NEMP2: variants seen among roughly 807,000 people sequenced by gnomAD.
NEMP2 encodes UPF0571 transmembrane protein.
Under a neutral mutation model 54.2 loss-of-function variants are expected in NEMP2, and 53 were observed. The ratio of observed to expected loss-of-function variants is 0.98; its 90% confidence interval spans 0.78 to 1.23. The LOEUF (loss-of-function observed/expected upper bound fraction) is 1.23, where lower values mean the gene tolerates loss of function less well. Among genes scored for constraint, NEMP2 ranks in the 50% most tolerant of loss-of-function variants. The pLI, the probability that NEMP2 is intolerant of heterozygous loss-of-function variation, is 0.00. For missense variants in NEMP2, 455 were observed against 511.3 expected, an observed-to-expected ratio of 0.89 and a Z score of 1.06; for synonymous variants, 197 against 190.3, an observed-to-expected ratio of 1.04 and a Z score of -0.29.
chr2:190,647,268 A>G, the NEMP2 span, among the ~76,000 whole-genome samples: 69,222 of 152,096 alleles, frequency 0.46, 16,019 homozygotes, highest in Non-Finnish European at 0.49. Flanking sequence ...CTTTAATTAT[A>G]TGTATTCCAT....
rs1690407054 is a variant in NEMP2 at position 190,512,621 on chromosome 2, T to G, written c.953+1832A>C. On this transcript the variant is annotated intron_variant, in intron 7 of 8. Transcript: ENST00000409150. This position sits in a 1 kb window ranked among gnomAD's most constrained non-coding sequence, Gnocchi z 4.5. The stretch of plus-strand genomic sequence containing the variant: ...CATTGTGCAGAACACACTCTGCTCT[T>G]GGCAGGGAGCTGGATGGTTAAAGGG... Among the ~76,000 whole-genome samples, 1 of 152,210 alleles carries G rather than the reference T, an allele frequency of 6.6e-6. No individual in the cohort carries two copies. Among genetic ancestry groups the G allele is most frequent in the South Asian group, 2.1e-4 (1 of 4,834 alleles).
the NEMP2 span, among the ~76,000 whole-genome samples, chr2:190,612,509 C>A: frequency 6.6e-6 from 1 of 152,132 alleles, no homozygotes; most frequent in Non-Finnish European, 1.5e-5. Flanking sequence ...ATTTACCACA[C>A]AAGATCCTTC....
Position 190,529,213 on chromosome 2 carries a change from T to C in NEMP2, c.98-3835A>G, listed in dbSNP as rs1208219107. On this transcript the variant is annotated intron_variant, in intron 1 of 8. Transcript: ENST00000409150. The surrounding 1 kb of genome is among the most constrained non-coding windows in gnomAD (Gnocchi z 4.7). ...AAACACAAACAAACAAAAACATGAA[T>C]GGGAACCCATCATTTACCTGCTTAA... 2.0e-5 allele frequency among the ~76,000 whole-genome samples: 3 copies of C among 152,062 alleles called. No homozygotes were observed. Among genetic ancestry groups the C allele is most frequent in the Non-Finnish European group, 4.4e-5 (3 of 68,000 alleles).
chr2:190,613,596 A>AT, the NEMP2 span, among the ~76,000 whole-genome samples: 17 of 151,008 alleles, frequency 1.1e-4, no homozygotes, highest in Admixed American at 2.6e-4. Context: ...CCAATAATTT[A>AT]TTTTTTTTTG....
chr2:190,468,619 ATTTTTTTT>A, the NEMP2 span, among the ~76,000 whole-genome samples: 1 of 128,026 alleles, frequency 7.8e-6, no homozygotes, highest in South Asian at 2.6e-4. Context: ...AGCCTGGCTA[ATTTTTTTT>A]TTTTTTTTTT....
chr2:190,468,003 A>G, the NEMP2 span, among the ~76,000 whole-genome samples: 2 of 152,348 alleles, frequency 1.3e-5, no homozygotes, highest in South Asian at 4.1e-4. Flanking sequence ...TAGGGTAAAG[A>G]GAGGCCACCC....
chr2:190,497,725 G>A, the NEMP2 span: 7 of 1,607,488 alleles, frequency 4.4e-6, no homozygotes, highest in African/African-American at 6.7e-5. The surrounding 1 kb of genome is among the most constrained non-coding windows in gnomAD (Gnocchi z 5.2). Context: ...TACAGGTACA[G>A]TTCCTTTGCT....
At chr2:190,599,578 T>A in the NEMP2 span, among the ~76,000 whole-genome samples, 1 of 152,236 alleles carries the variant, frequency 6.6e-6, no homozygotes, top group Non-Finnish European at 1.5e-5. Flanking sequence ...ATTTTAATTT[T>A]AACTATAATT....
the NEMP2 span, among the ~76,000 whole-genome samples, chr2:190,554,634 T>A: frequency 1.4e-4 from 22 of 152,152 alleles, no homozygotes; most frequent in African/African-American, 5.3e-4. The surrounding 1 kb of genome is among the most constrained non-coding windows in gnomAD (Gnocchi z 5.7). Context: ...AGGGCATCTC[T>A]GAAAAAAAGG....
chr2:190,634,124 AT>A, the NEMP2 span, among the ~76,000 whole-genome samples: 1 of 152,222 alleles, frequency 6.6e-6, no homozygotes. The surrounding 1 kb of genome is among the most constrained non-coding windows in gnomAD (Gnocchi z 6.8). Flanking sequence ...GGTATTTACT[AT>A]TTCAAACTTT....
chr2:190,613,173 A>G, the NEMP2 span, among the ~76,000 whole-genome samples: 1 of 152,178 alleles, frequency 6.6e-6, no homozygotes, highest in Non-Finnish European at 1.5e-5. Flanking sequence ...CTTATTCATT[A>G]ACTAAGGTCA....
At chr2:190,473,524 A>G in the NEMP2 span, among the ~76,000 whole-genome samples, 1 of 152,224 alleles carries the variant, frequency 6.6e-6, no homozygotes, top group Non-Finnish European at 1.5e-5. Context: ...AGAGCTAACT[A>G]TCCTAAATAT....
Position 190,514,087 on chromosome 2 carries a change from T to A in NEMP2, c.953+366A>T, listed in dbSNP as rs1249840572. Among the ~76,000 whole-genome samples, 1 of 152,232 alleles carries A rather than the reference T, an allele frequency of 6.6e-6. No individual in the cohort carries two copies. Among genetic ancestry groups the A allele is most frequent in the African/African-American group, 2.4e-5 (1 of 41,448 alleles). ...ATTCATTTCTGTTTCCTAATTCGTA[T>A]CTCATAAGCACAGCTGATACCACTA... On this transcript the variant is annotated intron_variant, in intron 7 of 8. Transcript: ENST00000409150. The surrounding 1 kb of genome is among the most constrained non-coding windows in gnomAD (Gnocchi z 5.7).
At chr2:190,644,637 C>T in the NEMP2 span, among the ~76,000 whole-genome samples, 7 of 152,126 alleles carry the variant, frequency 4.6e-5, no homozygotes, top group African/African-American at 1.7e-4. This position sits in a 1 kb window ranked among gnomAD's most constrained non-coding sequence, Gnocchi z 4.4. Flanking sequence ...AGCAAACTAA[C>T]ACAGGAACAG....
rs1318989948 is a variant in NEMP2, at chr2:190,518,746, T to G, written c.508A>C (p.Thr170Pro). The change falls in exon 4 of 9, where the codon ACC becomes CCC. Residue 170 changes from threonine (T) to proline (P), a missense_variant. Around this residue, in one of 3 missense-constraint regions of NEMP2, gnomAD observed 294 missense variants for 333.6 expected, o/e 0.88. Transcript: ENST00000409150. Reference sequence around the variant, plus strand: ...AAAAGGAATACTTACTGACTCAGGGTCCTTGCATAAAAGAAAAGAAAAACT... The same window carrying G: ...AAAAGGAATACTTACTGACTCAGGGGCCTTGCATAAAAGAAAAGAAAAACT... ...AGVFLFFYAR[T>P]LSQSPTFYYS... 2 of 1,542,648 alleles carry G rather than the reference T, an allele frequency of 1.3e-6. No individual in the cohort carries two copies. The highest frequency in any genetic ancestry group is 1.7e-6 in the Non-Finnish European group (2 of 1,144,708).
In NEMP2 at chr2:190,528,961, G is replaced by T. The variant is rs549545273; in HGVS notation, c.98-3583C>A. On this transcript the variant is annotated intron_variant, in intron 1 of 8. Transcript: ENST00000409150. This position sits in a 1 kb window ranked among gnomAD's most constrained non-coding sequence, Gnocchi z 4.3. ...TGATGTAATAGCCTTCTATCTGGCT[G>T]GTCTCCCTGCTTCCAGAATTGCTGC... Among the ~76,000 whole-genome samples the T allele has an allele frequency of 6.6e-6, 1 of 152,228 alleles. No individual in the cohort carries two copies. Among genetic ancestry groups the T allele is most frequent in the South Asian group, 2.1e-4 (1 of 4,820 alleles).
chr2:190,442,129 G>T, the NEMP2 span, among the ~76,000 whole-genome samples: 1 of 152,070 alleles, frequency 6.6e-6, no homozygotes, highest in Non-Finnish European at 1.5e-5. Context: ...CTTTAAAAAT[G>T]GTTTTTACCA....
chr2:190,462,317 A>G, the NEMP2 span, among the ~76,000 whole-genome samples: 2 of 152,192 alleles, frequency 1.3e-5, no homozygotes, highest in African/African-American at 4.8e-5. The surrounding 1 kb of genome is among the most constrained non-coding windows in gnomAD (Gnocchi z 5.7). Flanking sequence ...AGACACTGGC[A>G]TTTAGCACCC....
At chr2:190,428,975 A>C in the NEMP2 span, among the ~76,000 whole-genome samples, 1 of 152,004 alleles carries the variant, frequency 6.6e-6, no homozygotes, top group African/African-American at 2.4e-5. Context: ...GCCCAGCCTC[A>C]ATCTTTTTTA....
Sources: allele counts gnomAD v4.1 joint callset (sites outside exome capture counted in the v4.1 genomes callset), GRCh38; gene constraint gnomAD v4.1.1; regional missense constraint gnomAD v4.1.1; non-coding constraint Gnocchi (gnomAD v3.1); transcripts MANE v1.5; gene names NCBI Gene and HGNC (gene_info 2026-07-23, HGNC 2026-07-21).